UBE2V2: variants seen among roughly 807,000 people sequenced by gnomAD.
UBE2V2 encodes ubiquitin-conjugating enzyme E2 variant 2.
Under a neutral mutation model 17.2 loss-of-function variants are expected in UBE2V2, and 9 were observed. The observed-to-expected ratio is 0.52, with a 90% confidence interval of 0.32 to 0.91. The LOEUF is 0.91. Ranked by LOEUF, UBE2V2 falls within the 40% of genes least tolerant of loss-of-function variation. The probability of loss-of-function intolerance (pLI) is 0.04; values close to 1 mark genes in which losing one functional copy is unlikely to be tolerated. For synonymous variants in UBE2V2, 61 were observed against 57.5 expected (o/e 1.06, Z -0.28); for missense variants, 133 against 182.6 (o/e 0.73, Z 1.56).
intron 1 of UBE2V2, 108 bp from the exon 2 acceptor site, chr8:48,042,925 T>C: frequency 8.5e-7 from 1 of 1,179,714 alleles, no homozygotes; most frequent in Non-Finnish European, 1.1e-6. Flanking sequence ...GATTTGGTCT[T>C]TTTGGGAAAT....
intron 1 of UBE2V2, among the ~76,000 whole-genome samples, chr8:48,036,687 G>GGCC (rs2091427520): frequency 6.6e-6 from 1 of 151,542 alleles, no homozygotes; most frequent in Admixed American, 6.6e-5. Context: ...CACCCGCCTT[G>GGCC]GCCTCCCAAA....
chr8:48,019,233 C>T (rs1447505564), intron 1 of UBE2V2, among the ~76,000 whole-genome samples: 4 of 152,078 alleles, frequency 2.6e-5, no homozygotes, highest in East Asian at 3.9e-4. Context: ...GGTGTGGTGG[C>T]GGGCGCCTGT....
Position 48,049,913 on chromosome 8 carries a change from GCTC to G in UBE2V2, c.231_233del (p.Pro78del), listed in dbSNP as rs2091524286. ...AGAATGTGGACCTAAATACCCAGAA[GCTC>G]CTCCGTCAGTTAGATTTGTAACAAA... On this transcript the variant is annotated inframe_deletion, in exon 3 of 4. Coordinates refer to ENST00000523111, the MANE Select transcript of UBE2V2 (RefSeq NM_003350.3). 1 of 1,585,964 alleles carries G rather than the reference GCTC, an allele frequency of 6.3e-7. No individual in the cohort carries two copies. Among genetic ancestry groups the G allele is most frequent in the Non-Finnish European group, 8.5e-7 (1 of 1,170,472 alleles).
At chr8:48,035,678 T>C (rs2154507479) in intron 1 of UBE2V2, among the ~76,000 whole-genome samples, 1 of 95,078 alleles carries the variant, frequency 1.1e-5, no homozygotes. Flanking sequence ...TGTATGCTTT[T>C]TTTTTTTTTT....
intron 1 of UBE2V2, among the ~76,000 whole-genome samples, chr8:48,010,689 GGTTT>G (rs1215311442): frequency 5.1e-4 from 75 of 146,596 alleles, no homozygotes; most frequent in Non-Finnish European, 6.6e-4. Flanking sequence ...ACTGCGCCTG[GGTTT>G]GTTTGTTTTT....
rs1310847649 is a variant in UBE2V2, at chr8:48,060,685, G to C, written c.295G>C (p.Asp99His). ...GTACTCTTTCCTCCCCTTTCAGGTG[G>C]ATGCCCGGAGCATACCAGTGTTAGC... ...NGINNSSGMV[D>H]ARSIPVLAKW... Residue 99 changes from aspartate (D) to histidine (H), a missense_variant, in exon 4 of 4, where the codon GAT (aspartate) becomes CAT (histidine). Coordinates refer to ENST00000523111, the MANE Select transcript of UBE2V2 (RefSeq NM_003350.3). The C allele has an allele frequency of 2.0e-6, 3 of 1,480,302 alleles. No individual in the cohort carries two copies. The highest frequency in any genetic ancestry group is 2.7e-6 in the Non-Finnish European group (3 of 1,115,518). 91.7% of individuals were successfully genotyped at this position (1,480,302 alleles called of 1,614,324 possible). A position where few individuals can be genotyped will look rare whatever the true frequency, so the allele number is the denominator to read the frequency against.
At chr8:48,011,734 G>C (rs1185868167) in intron 1 of UBE2V2, among the ~76,000 whole-genome samples, 1 of 152,170 alleles carries the variant, frequency 6.6e-6, no homozygotes, top group South Asian at 2.1e-4. Context: ...GCTCACTGCA[G>C]CCTCGACCTG....
intron 1 of UBE2V2, among the ~76,000 whole-genome samples, chr8:48,029,617 T>C (rs1467879081): frequency 1.3e-5 from 2 of 152,214 alleles, no homozygotes; most frequent in Non-Finnish European, 2.9e-5. Context: ...GATTGGAATG[T>C]TCTTGAAAAG....
chr8:48,023,294 C>T (rs1014656136), intron 1 of UBE2V2, among the ~76,000 whole-genome samples: 1 of 151,052 alleles, frequency 6.6e-6, no homozygotes, highest in Non-Finnish European at 1.5e-5. Flanking sequence ...TGGCTCACTG[C>T]GACCTCCGCC....
intron 1 of UBE2V2, among the ~76,000 whole-genome samples, chr8:48,035,449 G>T (rs1273946626): frequency 1.3e-5 from 2 of 151,832 alleles, no homozygotes; most frequent in Admixed American, 1.3e-4. Flanking sequence ...TGATAAAACA[G>T]GTAGGAAGGT....
chr8:48,039,578 CTA>C (rs2154507623), intron 1 of UBE2V2, among the ~76,000 whole-genome samples: 2 of 152,242 alleles, frequency 1.3e-5, no homozygotes, highest in South Asian at 4.1e-4. Context: ...TTCTTGTCTT[CTA>C]TATGTTATTC....
the UBE2V2 span, among the ~76,000 whole-genome samples, chr8:47,999,243 C>G: frequency 4.6e-5 from 7 of 152,102 alleles, no homozygotes; most frequent in Non-Finnish European, 8.8e-5. Flanking sequence ...GGCAGTTTGT[C>G]CCTAACAATA....
At chr8:48,011,695 A>T (rs955314056) in intron 1 of UBE2V2, among the ~76,000 whole-genome samples, 6 of 152,196 alleles carry the variant, frequency 3.9e-5, no homozygotes, top group African/African-American at 9.6e-5. Flanking sequence ...TGTGTTGCCC[A>T]GGTTGGAATG....
the UBE2V2 span, among the ~76,000 whole-genome samples, chr8:48,000,287 A>G: frequency 6.6e-6 from 1 of 152,194 alleles, no homozygotes; most frequent in Non-Finnish European, 1.5e-5. Context: ...TTATCATGAC[A>G]TGTGTGGCTA....
Position 48,064,575 on chromosome 8 carries a change from T to C in UBE2V2, c.*3747T>C, listed in dbSNP as rs1161933536. The C allele has an allele frequency of 6.6e-6, 1 of 152,192 alleles. No individual in the cohort carries two copies. The highest frequency in any genetic ancestry group is 1.5e-5 in the Non-Finnish European group (1 of 68,040). 9.4% of individuals were successfully genotyped at this position (152,192 alleles called of 1,614,324 possible). A position where few individuals can be genotyped will look rare whatever the true frequency, so the allele number is the denominator to read the frequency against. The stretch of plus-strand genomic sequence containing the variant: ...GAAAATGTTGTTTATTTAAAAGTAT[T>C]GTGGAGTGTTGAAAATAAAGATACA... On this transcript the variant is annotated 3_prime_UTR_variant, in exon 4 of 4. Transcript: ENST00000523111.
At chr8:48,049,757 A>C in intron 2 of UBE2V2, 96 bp from the exon 3 acceptor site, 5 of 1,105,426 alleles carry the variant, frequency 4.5e-6, no homozygotes, top group Non-Finnish European at 6.5e-6. Context: ...TCTTACGTAC[A>C]TTCATATTGT....
intron 1 of UBE2V2, among the ~76,000 whole-genome samples, chr8:48,030,712 C>G (rs1378339914): frequency 6.6e-6 from 1 of 151,236 alleles, no homozygotes. Context: ...GAGACCCTGT[C>G]TCAAAAACAA....
chr8:48,058,538 CT>C (rs2091587935), intron 3 of UBE2V2, among the ~76,000 whole-genome samples: 1 of 147,324 alleles, frequency 6.8e-6, no homozygotes, highest in East Asian at 2.0e-4. Context: ...TGCCACTGCA[CT>C]GCACTCTAGC....
At chr8:48,036,931 G>A (rs1185374221) in intron 1 of UBE2V2, among the ~76,000 whole-genome samples, 1 of 151,922 alleles carries the variant, frequency 6.6e-6, no homozygotes. Context: ...TGTAATGCCA[G>A]CACTTTGGGA....
Sources: allele counts gnomAD v4.1 joint callset (sites outside exome capture counted in the v4.1 genomes callset), GRCh38; gene constraint gnomAD v4.1.1; transcripts MANE v1.5; gene names NCBI Gene and HGNC (gene_info 2026-07-23, HGNC 2026-07-21).